The following IP6K1 variants were observed in gnomAD, a reference collection of about 807,000 sequenced individuals.
The protein encoded by IP6K1 is inositol hexakisphosphate kinase 1.
IP6K1 carries 13 observed loss-of-function variants against 38.3 expected under a neutral mutation model. The ratio of observed to expected loss-of-function variants is 0.34; its 90% CI spans 0.22 to 0.54. The LOEUF (loss-of-function observed/expected upper bound fraction) is 0.54, where lower values mean the gene tolerates loss of function less well. Among genes scored for constraint, IP6K1 ranks in the 20% least tolerant of loss-of-function variants. The pLI is 0.92. For missense variants in IP6K1, 397 were observed against 599.8 expected (o/e 0.66, Z 3.53); for synonymous variants, 212 against 229.9 (o/e 0.92, Z 0.70).
chr3:49,771,127 C>CAAAAAA (rs1559714422), intron 1 of IP6K1, among the ~76,000 whole-genome samples: 2 of 84,864 alleles, frequency 2.4e-5, no homozygotes, highest in Admixed American at 1.3e-4. Context: ...TCTAAAAAAA[C>CAAAAAA]AAAACAAAAA....
At chr3:49,777,267 T>C (rs566104080) in intron 1 of IP6K1, among the ~76,000 whole-genome samples, 1 of 151,158 alleles carries the variant, frequency 6.6e-6, no homozygotes, top group South Asian at 2.1e-4. Context: ...TGAAGTGAAA[T>C]AGACATCTGT....
rs370318561 is a variant in IP6K1, at chr3:49,742,737, A to C, written c.224-4315T>G. On this transcript the variant is annotated intron_variant, in intron 2 of 5. Transcript: ENST00000321599. The stretch of plus-strand genomic sequence containing the variant: ...AACATGGTGAGACCCTGTCTCTACA[A>C]AATACAAAAAAAAAGAGCCGGTGCA... Among the ~76,000 whole-genome samples the C allele has an allele frequency of 5.3e-5, 8 of 151,692 alleles. No homozygotes were observed. In the East Asian group the frequency reaches 7.8e-4, roughly 15 times the overall value.
Position 49,724,588 on chromosome 3 carries a change from T to A in IP6K1, c.*2534A>T, listed in dbSNP as rs2080479169. The A allele has an allele frequency of 6.6e-6, 1 of 152,486 alleles. No homozygotes were observed. The highest frequency in any genetic ancestry group is 2.1e-4 in the South Asian group (1 of 4,834). 9.4% of individuals were successfully genotyped at this position (152,486 alleles called of 1,614,324 possible). A position where few individuals can be genotyped will look rare whatever the true frequency, so the allele number is the denominator to read the frequency against. The stretch of plus-strand genomic sequence containing the variant: ...AGGGTTCTCCATTATTTTTTCCTCA[T>A]TAAAATATATTTTAAGTCAGCACAA... On this transcript the variant is annotated 3_prime_UTR_variant, in exon 6 of 6. Transcript: ENST00000321599.
Position 49,767,450 on chromosome 3 carries a change from C to T in IP6K1, c.-129+18904G>A, listed in dbSNP as rs957816884. ...AAAAAAGTAGCCAGTTGTGGTGGCA[C>T]GTGCCTGTAATCCCAGGTACTCGGG... is the stretch of plus-strand genomic sequence containing the variant. On this transcript the variant is annotated intron_variant, in intron 1 of 5. Transcript: ENST00000321599. Among the ~76,000 whole-genome samples the T allele has an allele frequency of 3.6e-4, 55 of 151,920 alleles. 2 individuals are homozygous for T. The highest frequency in any genetic ancestry group is 3.4e-3 in the Admixed American group (52 of 15,234).
intron 1 of IP6K1, among the ~76,000 whole-genome samples, chr3:49,749,371 T>C (rs2080752147): frequency 6.6e-6 from 1 of 152,242 alleles, no homozygotes; most frequent in Non-Finnish European, 1.5e-5. Flanking sequence ...TCCCTCTTTA[T>C]AATGTCAATT....
At chr3:49,728,078 T>C (rs1575301405) in intron 5 of IP6K1, 25 bp downstream of exon 5, 2 of 1,602,006 alleles carry the variant, frequency 1.2e-6, no homozygotes, top group Non-Finnish European at 1.7e-6. Context: ...TGGCAGCACC[T>C]AGGCTCTGAG....
In IP6K1 at chr3:49,738,353, T is replaced by A. The variant is rs766755925; in HGVS notation, c.293A>T (p.Glu98Val). The A allele has an allele frequency of 6.2e-7, 1 of 1,614,188 alleles. No individual in the cohort carries two copies. Among genetic ancestry groups the A allele is most frequent in the South Asian group, 1.1e-5 (1 of 91,084 alleles). ...YINLVAYPYV[E>V]SETVEQDDTT... Reference sequence around the variant, plus strand: ...GTCATCCTGTTCCACAGTCTCACTTTCCACATAAGGATAGGCCACTAAGTT... The same window carrying A: ...GTCATCCTGTTCCACAGTCTCACTTACCACATAAGGATAGGCCACTAAGTT... The change falls in exon 3 of 6, where the codon GAA becomes GTA. Residue 98 changes from glutamate to valine, a missense_variant. By Grantham distance (121) the Glu-to-Val change is moderately radical (BLOSUM62 -2). Coordinates refer to ENST00000321599, the MANE Select transcript of IP6K1 (RefSeq NM_153273.4).
intron 1 of IP6K1, among the ~76,000 whole-genome samples, chr3:49,780,731 G>C (rs921852034): frequency 6.6e-6 from 1 of 152,212 alleles, no homozygotes; most frequent in Non-Finnish European, 1.5e-5. Flanking sequence ...CCAGGCCTTA[G>C]TTCTGCCCTT....
intron 1 of IP6K1, among the ~76,000 whole-genome samples, chr3:49,782,594 G>A (rs1279519841): frequency 6.6e-6 from 1 of 152,006 alleles, no homozygotes; most frequent in Non-Finnish European, 1.5e-5. Flanking sequence ...TTGCACCCAC[G>A]AGTTTGAGAC....
At chr3:49,761,634 T>C (rs992691285) in intron 1 of IP6K1, among the ~76,000 whole-genome samples, 1 of 143,864 alleles carries the variant, frequency 7.0e-6, no homozygotes, top group African/African-American at 2.6e-5. Flanking sequence ...AAAAAAAAAA[T>C]TAATAACCTA....
chr3:49,773,846 T>C (rs926306966), intron 1 of IP6K1, among the ~76,000 whole-genome samples: 1 of 152,042 alleles, frequency 6.6e-6, no homozygotes, highest in Non-Finnish European at 1.5e-5. Flanking sequence ...AAGTTGAGCA[T>C]AAGTCTTTAT....
intron 1 of IP6K1, among the ~76,000 whole-genome samples, chr3:49,764,291 A>G (rs1417836179): frequency 6.6e-6 from 1 of 152,114 alleles, no homozygotes; most frequent in Non-Finnish European, 1.5e-5. Flanking sequence ...CTGAGGTGGG[A>G]GGATTGCTTA....
intron 2 of IP6K1, among the ~76,000 whole-genome samples, chr3:49,739,804 C>G (rs901085675): frequency 1.3e-5 from 2 of 151,998 alleles, no homozygotes; most frequent in Non-Finnish European, 2.9e-5. Flanking sequence ...CACCTGAGAT[C>G]AGGAGTTCCA....
At position 49,735,922 on chromosome 3, in the gene IP6K1, C is replaced by CT. The variant is rs531632386; in HGVS notation, c.434+2289dup. ...AGTCACAAAAGCATCTTACTGAAACCTTTTTTTCTTGAGACAGAGTTTTCA... is the reference window on the plus strand; with the variant it reads ...AGTCACAAAAGCATCTTACTGAAACCTTTTTTTTCTTGAGACAGAGTTTTCA... On this transcript the variant is annotated intron_variant, in intron 3 of 5. Coordinates refer to ENST00000321599, the MANE Select transcript of IP6K1 (RefSeq NM_153273.4). 7.9e-5 allele frequency among the ~76,000 whole-genome samples: 12 copies of CT among 152,198 alleles called. No homozygotes were observed. In the East Asian group the frequency reaches 2.1e-3, roughly 27 times the overall value.
chr3:49,735,837 T>C (rs550216853), intron 3 of IP6K1, among the ~76,000 whole-genome samples: 4 of 152,354 alleles, frequency 2.6e-5, no homozygotes, highest in Admixed American at 1.3e-4. Context: ...TGATCTGATA[T>C]CACAGATGAA....
rs1241938585 is a variant in IP6K1 at position 49,725,792 on chromosome 3, G to C, written c.*1330C>G. ...TCAAGCCCTCACTGCCCCACTCTAA[G>C]GGTTGAGGGCCATATTCTAGGCCCA... On this transcript the variant is annotated 3_prime_UTR_variant, in exon 6 of 6. Transcript: ENST00000321599. 2.6e-5 allele frequency: 4 copies of C among 152,522 alleles called. No homozygotes were observed. Among genetic ancestry groups the C allele is most frequent in the Non-Finnish European group, 5.9e-5 (4 of 68,048 alleles). 9.4% of individuals were successfully genotyped at this position (152,522 alleles called of 1,614,324 possible).
At chr3:49,766,687 G>A (rs34014617) in intron 1 of IP6K1, among the ~76,000 whole-genome samples, 67 of 149,066 alleles carry the variant, frequency 4.5e-4, no homozygotes, top group Non-Finnish European at 7.6e-4. Flanking sequence ...AAAGAAATCA[G>A]CCAGGTACAG....
At chr3:49,767,847 C>CATATA (rs1337977372) in intron 1 of IP6K1, among the ~76,000 whole-genome samples, 1 of 152,030 alleles carries the variant, frequency 6.6e-6, no homozygotes, top group South Asian at 2.1e-4. Context: ...ATACATGGAA[C>CATATA]ATATAAAGTA....
In IP6K1 at chr3:49,772,763, C is replaced by CT. The variant is rs1307764918; in HGVS notation, c.-129+13590dup. On this transcript the variant is annotated intron_variant, in intron 1 of 5. Coordinates refer to ENST00000321599, the MANE Select transcript of IP6K1 (RefSeq NM_153273.4). ...CCAGTCTCTGTTACAGTTAATAATT[C>CT]TTTTTTTTTTTTACATAGAGACAGG... Among the ~76,000 whole-genome samples, 970 of 138,880 alleles carry CT rather than the reference C, an allele frequency of 7.0e-3. 13 individuals carry two copies. The highest frequency in any genetic ancestry group is 0.022 in the African/African-American group (849 of 38,004). 91.1% of individuals were successfully genotyped at this position (138,880 alleles called of 152,430 possible).
Sources: gnomAD v4.1 joint callset for allele counts (sites outside exome capture counted in the v4.1 genomes callset) on GRCh38, gnomAD v4.1.1 for gene constraint, MANE v1.5 for transcripts, NCBI Gene and HGNC (gene_info 2026-07-23, HGNC 2026-07-21) for gene names.